The following UGT1A7 variants were observed in gnomAD, a reference collection of about 807,000 sequenced individuals.
The protein encoded by UGT1A7 is UDP glucuronosyltransferase family 1 member A7, also known as UDP-glucuronosyltransferase 1A7.
Under a neutral mutation model 45.6 loss-of-function variants are expected in UGT1A7, and 33 were observed. That is an observed-to-expected ratio of 0.72 (90% CI 0.55 to 0.97). The LOEUF (loss-of-function observed/expected upper bound fraction) is 0.97, where lower values mean the gene tolerates loss of function less well. Ranked by LOEUF, UGT1A7 falls within the 50% of genes least tolerant of loss-of-function variation. The pLI is 0.00. For synonymous variants in UGT1A7, 274 were observed against 250.6 expected (o/e 1.09, Z -0.88); for missense variants, 684 against 666.2 (o/e 1.03, Z -0.29).
chr2:233,735,700 G>T (rs940691560), intron 1 of UGT1A7, among the ~76,000 whole-genome samples: 1 of 151,948 alleles, frequency 6.6e-6, no homozygotes, highest in African/African-American at 2.4e-5. Context: ...TGTAAGGCAG[G>T]CCTGGTGGTG....
chr2:233,736,183 A>G (rs2078741283), intron 1 of UGT1A7, among the ~76,000 whole-genome samples: 2 of 152,176 alleles, frequency 1.3e-5, no homozygotes, highest in Non-Finnish European at 2.9e-5. Context: ...ACATAGTCCC[A>G]TATTTCTTCA....
chr2:233,760,310 G>T (rs768521253), intron 1 of UGT1A7: 3 of 1,613,706 alleles, frequency 1.9e-6, no homozygotes, highest in Non-Finnish European at 2.5e-6. Context: ...TCCCAGGGCG[G>T]ACGCCCACTT....
chr2:233,701,991 G>A (rs1426208216), intron 1 of UGT1A7, among the ~76,000 whole-genome samples: 2 of 152,100 alleles, frequency 1.3e-5, no homozygotes, highest in African/African-American at 4.8e-5. Context: ...AAATAACTAA[G>A]ATCAGAGCAG....
chr2:233,691,808 T>A, intron 1 of UGT1A7: 1 of 201,832 alleles, frequency 5.0e-6, no homozygotes, highest in Non-Finnish European at 8.8e-6. Flanking sequence ...TCTCAAATCT[T>A]AATTTCCTAA....
At chr2:233,746,211 T>C (rs371025099) in intron 1 of UGT1A7, among the ~76,000 whole-genome samples, 2 of 151,850 alleles carry the variant, frequency 1.3e-5, no homozygotes, top group East Asian at 3.9e-4. Flanking sequence ...TATACTCTAA[T>C]AGCAAGGACA....
At chr2:233,721,695 A>G (rs928458069) in intron 1 of UGT1A7, 3 of 356,024 alleles carry the variant, frequency 8.4e-6, no homozygotes, top group African/African-American at 6.4e-5. Context: ...TGCAAGACGC[A>G]TGGCTCATCT....
At chr2:233,750,181 G>A (rs571998663) in intron 1 of UGT1A7, among the ~76,000 whole-genome samples, 9 of 151,994 alleles carry the variant, frequency 5.9e-5, no homozygotes. Context: ...TGCTGATAAT[G>A]TTGTGGACAA....
At chr2:233,708,894 G>C (rs181869766) in intron 1 of UGT1A7, among the ~76,000 whole-genome samples, 1 of 152,206 alleles carries the variant, frequency 6.6e-6, no homozygotes, top group Non-Finnish European at 1.5e-5. Context: ...AATCTCAGGG[G>C]CTATCTGGTT....
chr2:233,720,538 C>T (rs377667530), intron 1 of UGT1A7, among the ~76,000 whole-genome samples: 1 of 152,064 alleles, frequency 6.6e-6, no homozygotes, highest in South Asian at 2.1e-4. Flanking sequence ...CTCACCCTAT[C>T]CCACTCCAAG....
Position 233,728,434 on chromosome 2 carries a change from T to C in UGT1A7, c.856-38600T>C, listed in dbSNP as rs547972941. On this transcript the variant is annotated intron_variant, in intron 1 of 4. Transcript: ENST00000373426. ...GATAGCAGCACCTCTTCTTCCATGG[T>C]GTATATGGAGAATCCTCAACAAAGT... Among the ~76,000 whole-genome samples, 3 of 152,272 alleles carry C rather than the reference T, an allele frequency of 2.0e-5. No homozygotes were observed. In the East Asian group the frequency reaches 5.8e-4, roughly 29 times the overall value.
At chr2:233,768,183 A>G (rs753962326) in intron 3 of UGT1A7, 37 bp from the exon 4 acceptor site, 1 of 1,614,004 alleles carries the variant, frequency 6.2e-7, no homozygotes, top group Non-Finnish European at 8.5e-7. Context: ...AAACTCAGAG[A>G]TGTAACTGCT....
At chr2:233,760,958 A>T (rs976503144) in intron 1 of UGT1A7, 1 of 1,614,176 alleles carries the variant, frequency 6.2e-7, no homozygotes, top group African/African-American at 1.3e-5. Flanking sequence ...TTTCTGTGCG[A>T]CGTGGTTTAT....
At chr2:233,691,502 G>T in intron 1 of UGT1A7, 2 of 985,742 alleles carry the variant, frequency 2.0e-6, no homozygotes, top group Non-Finnish European at 2.4e-6. Context: ...ACAGGAACTC[G>T]CGTGCCAGCC....
chr2:233,698,956 C>T (rs1307607547), intron 1 of UGT1A7, among the ~76,000 whole-genome samples: 1 of 152,204 alleles, frequency 6.6e-6, no homozygotes, highest in Non-Finnish European at 1.5e-5. Context: ...TCCAAGCTGG[C>T]CCTTGGGGAA....
chr2:233,698,097 C>A (rs1330265062), intron 1 of UGT1A7, among the ~76,000 whole-genome samples: 3 of 152,172 alleles, frequency 2.0e-5, no homozygotes, highest in African/African-American at 7.2e-5. Context: ...TTTTTGAGCC[C>A]TGTGACCCTG....
chr2:233,683,667 CT>C (rs2074645385), intron 1 of UGT1A7, among the ~76,000 whole-genome samples: 1 of 152,048 alleles, frequency 6.6e-6, no homozygotes, highest in South Asian at 2.1e-4. Context: ...TTTCATCTTT[CT>C]TATTAACCTT....
chr2:233,755,611 T>C (rs1176906643), intron 1 of UGT1A7: 1 of 158,924 alleles, frequency 6.3e-6, no homozygotes, highest in African/African-American at 2.4e-5. Flanking sequence ...AGAACTGTTT[T>C]TCTTAAAGTA....
intron 2 of UGT1A7, 25 bp from the exon 3 acceptor site, chr2:233,767,822 ACG>A (rs756893991): frequency 6.2e-7 from 1 of 1,614,064 alleles, no homozygotes. Flanking sequence ...TTCTTTCTTT[ACG>A]TTCTGCTCTT....
At chr2:233,719,169 A>T (rs1251118091) in intron 1 of UGT1A7, 3 of 1,614,252 alleles carry the variant, frequency 1.9e-6, no homozygotes, top group East Asian at 2.2e-5. Flanking sequence ...TATGGCAATT[A>T]TGAACAATGT....
Sources: allele counts gnomAD v4.1 joint callset (sites outside exome capture counted in the v4.1 genomes callset), GRCh38; gene constraint gnomAD v4.1.1; transcripts MANE v1.5; gene names NCBI Gene and HGNC (gene_info 2026-07-23, HGNC 2026-07-21).